The following GNAL variants were observed in gnomAD, a reference collection of about 807,000 sequenced individuals.
The protein encoded by GNAL is guanine nucleotide-binding protein G(olf) subunit alpha.
In GNAL, 18 loss-of-function variants were observed where a neutral mutation model predicts 55.1. That is an observed-to-expected ratio of 0.33 (90% CI 0.23 to 0.48). The LOEUF (loss-of-function observed/expected upper bound fraction) is 0.48. GNAL is among the 20% of genes least tolerant of loss of function. The probability of loss-of-function intolerance (pLI) is 0.99; values close to 1 mark genes in which losing one functional copy is unlikely to be tolerated. For synonymous variants in GNAL, 253 were observed against 237.0 expected, an observed-to-expected ratio of 1.07 and a Z score of -0.62; for missense variants, 412 against 614.1, an observed-to-expected ratio of 0.67 and a Z score of 3.48.
chr18:11,846,462 TATAC>T (rs1413383604), intron 5 of GNAL, among the ~76,000 whole-genome samples: 8 of 20,200 alleles, frequency 4.0e-4, no homozygotes, highest in South Asian at 4.8e-3. Context: ...TATATATAAA[TATAC>T]ACACACACAC....
intron 1 of GNAL, among the ~76,000 whole-genome samples, chr18:11,733,872 GA>G (rs10570693): frequency 0.059 from 5,828 of 98,714 alleles, 116 homozygotes; most frequent in Middle Eastern, 0.073. Context: ...GTCTATCACT[GA>G]AAAAAAAAAA....
intron 1 of GNAL, among the ~76,000 whole-genome samples, chr18:11,744,679 T>G (rs2032650100): frequency 6.6e-6 from 1 of 152,204 alleles, no homozygotes; most frequent in Admixed American, 6.5e-5. Context: ...GCATTGTTAG[T>G]GCATAGAATT....
chr18:11,752,173 A>T lies in GNAL; in HGVS notation c.377-680A>T. ...TCCGTTCATTGTGCTGTATTCATCCAGCAGATTTTGAAACAATTCTCGTGT... is the reference window on the plus strand; with the variant it reads ...TCCGTTCATTGTGCTGTATTCATCCTGCAGATTTTGAAACAATTCTCGTGT... On this transcript the variant is annotated intron_variant, in intron 1 of 11. Transcript: ENST00000334049. This position sits in a 1 kb window ranked among gnomAD's most constrained non-coding sequence, Gnocchi z 4.5. 1 of 451,536 alleles carries T rather than the reference A, an allele frequency of 2.2e-6. No individual in the cohort carries two copies. The highest frequency in any genetic ancestry group is 3.6e-6 in the Non-Finnish European group (1 of 281,276). The allele number at this position is 451,536 out of a possible 1,614,324, so 28.0% of individuals were successfully genotyped here.
intron 1 of GNAL, chr18:11,746,118 G>C: frequency 1.9e-6 from 1 of 531,992 alleles, no homozygotes; most frequent in Non-Finnish European, 3.7e-6. Context: ...TTTAAAAGTG[G>C]AGCCTTTTGT....
At chr18:11,801,857 G>A (rs1054388665) in intron 4 of GNAL, among the ~76,000 whole-genome samples, 1 of 152,110 alleles carries the variant, frequency 6.6e-6, no homozygotes, top group African/African-American at 2.4e-5. Context: ...AGGTCCCGGG[G>A]GTCAGGAGTT....
chr18:11,808,103 T>A (rs73946349), intron 4 of GNAL, among the ~76,000 whole-genome samples: 1 of 151,676 alleles, frequency 6.6e-6, no homozygotes, highest in Non-Finnish European at 1.5e-5. Flanking sequence ...AGGACCATGA[T>A]AAATATTTGC....
chr18:11,877,588 TA>T (rs978758936), intron 11 of GNAL, among the ~76,000 whole-genome samples: 1 of 151,828 alleles, frequency 6.6e-6, no homozygotes, highest in Non-Finnish European at 1.5e-5. Context: ...TGTGAGTTTT[TA>T]CTCGCTTCAA....
intron 4 of GNAL, among the ~76,000 whole-genome samples, chr18:11,780,950 A>G (rs1199883746): frequency 6.6e-6 from 1 of 152,246 alleles, no homozygotes; most frequent in East Asian, 1.9e-4. Context: ...ACACTGAAGT[A>G]TAAATGACTG....
intron 4 of GNAL, among the ~76,000 whole-genome samples, chr18:11,788,914 A>AAAAAAAACAT (rs60071996): frequency 1.8e-5 from 1 of 56,302 alleles, no homozygotes; most frequent in Admixed American, 2.0e-4. Flanking sequence ...AAAAAAAAAA[A>AAAAAAAACAT]ATATATATAT....
chr18:11,705,841 C>A (rs773893514), intron 1 of GNAL, among the ~76,000 whole-genome samples: 1 of 149,374 alleles, frequency 6.7e-6, no homozygotes, highest in Non-Finnish European at 1.5e-5. Context: ...CTGCAACCTT[C>A]GCCTCCCAGG....
chr18:11,821,411 G>A (rs781694412), intron 4 of GNAL, among the ~76,000 whole-genome samples: 2 of 152,202 alleles, frequency 1.3e-5, no homozygotes, highest in African/African-American at 2.4e-5. Flanking sequence ...TTACTTAACT[G>A]ATCTGAGCAC....
chr18:11,753,503 T>G, intron 2 of GNAL, 125 bp from the exon 3 acceptor site: 2 of 644,270 alleles, frequency 3.1e-6, no homozygotes, highest in Non-Finnish European at 5.5e-6. Flanking sequence ...TCTTGGGGGT[T>G]GATACTGACC....
Position 11,693,741 on chromosome 18 carries a change from C to CTTTTT in GNAL, c.376+3817_376+3821dup, listed in dbSNP as rs576637274. Among the ~76,000 whole-genome samples the CTTTTT allele has an allele frequency of 4.1e-3, 458 of 110,928 alleles. 10 individuals carry two copies. Among genetic ancestry groups the CTTTTT allele is most frequent in the African/African-American group, 0.013 (380 of 30,280 alleles). 72.8% of individuals were successfully genotyped at this position (110,928 alleles called of 152,430 possible). A position where few individuals can be genotyped will look rare whatever the true frequency, so the allele number is the denominator to read the frequency against. Reference sequence around the variant, plus strand: ...GAAGGTGCACTTGCTCCAGCAGTGTCTTTTTTTTTTTTTTTTTTTAATCCC... The same window carrying CTTTTT: ...GAAGGTGCACTTGCTCCAGCAGTGTCTTTTTTTTTTTTTTTTTTTTTTTTAATCCC... On this transcript the variant is annotated intron_variant, in intron 1 of 11. Transcript: ENST00000334049.
In GNAL at chr18:11,717,421, G is replaced by C. The variant is rs540202513; in HGVS notation, c.376+27482G>C. On this transcript the variant is annotated intron_variant, in intron 1 of 11. Transcript: ENST00000334049. ...TGGGAGCCCAGGCAGAGGAGGCCCC[G>C]AGAGCGAGTGAGGGCTGTGAGGGCT... Among the ~76,000 whole-genome samples, 4 of 152,348 alleles carry C rather than the reference G, an allele frequency of 2.6e-5. No homozygotes were observed. The South Asian group carries it at 8.3e-4, about 32-fold the overall frequency.
At chr18:11,793,869 G>T (rs1000387710) in intron 4 of GNAL, among the ~76,000 whole-genome samples, 1 of 146,840 alleles carries the variant, frequency 6.8e-6, no homozygotes. Context: ...GAGATTGCAC[G>T]CCACTGCACT....
chr18:11,850,664 C>T (rs7241431), intron 5 of GNAL, among the ~76,000 whole-genome samples: 152,164 of 152,378 alleles, frequency 1, 75,976 homozygotes, highest in Middle Eastern at 1. Context: ...GAGTGAAGTT[C>T]CTTGGATATT....
intron 5 of GNAL, chr18:11,852,802 GAAT>G (rs939190806): frequency 6.0e-6 from 1 of 166,746 alleles, no homozygotes; most frequent in Non-Finnish European, 1.5e-5. Context: ...GAAAAATGCC[GAAT>G]AACTTCCTTT....
chr18:11,861,989 C>CA (rs912710805), intron 5 of GNAL, among the ~76,000 whole-genome samples: 1 of 150,204 alleles, frequency 6.7e-6, no homozygotes, highest in Non-Finnish European at 1.5e-5. Context: ...CACACACACA[C>CA]AACATCTGGA....
At chr18:11,819,960 TA>T (rs57209043) in intron 4 of GNAL, among the ~76,000 whole-genome samples, 97 of 148,600 alleles carry the variant, frequency 6.5e-4, no homozygotes, top group Admixed American at 2.6e-3. Context: ...GTGGAACTTA[TA>T]AAAAAAAAAG....
Sources: allele counts gnomAD v4.1 joint callset (sites outside exome capture counted in the v4.1 genomes callset), GRCh38; gene constraint gnomAD v4.1.1; non-coding constraint Gnocchi (gnomAD v3.1); transcripts MANE v1.5; gene names NCBI Gene and HGNC (gene_info 2026-07-23, HGNC 2026-07-21).